HIVEP1: variants seen among roughly 807,000 people sequenced by gnomAD.
The protein encoded by HIVEP1 is zinc finger protein 40.
A neutral mutation model predicts 180.0 loss-of-function variants in HIVEP1; 36 were observed. The ratio of observed to expected loss-of-function variants is 0.20; its 90% CI spans 0.15 to 0.26. HIVEP1 has a LOEUF of 0.26. HIVEP1 is among the 10% of genes least tolerant of loss of function. The pLI is 1.00. For missense variants in HIVEP1, 3,143 were observed against 3,268.7 expected, an observed-to-expected ratio of 0.96 and a Z score of 0.94; for synonymous variants, 1,239 against 1,239.0, an observed-to-expected ratio of 1.00 and a Z score of 0.00.
chr6:12,164,482 C>CTT lies in HIVEP1; in HGVS notation c.*29_*30dup. On this transcript the variant is annotated 3_prime_UTR_variant, in exon 9 of 9. Coordinates refer to ENST00000379388, the MANE Select transcript of HIVEP1 (RefSeq NM_002114.4). ...CCTGATGGATTTTATTTTTTATTTG[C>CTT]TTTTTTTTTATATAACACTTAAAGG... 6.5e-7 allele frequency: 1 copy of CTT among 1,533,556 alleles called. No individual in the cohort carries two copies. The highest frequency in any genetic ancestry group is 2.1e-5 in the Admixed American group (1 of 47,428). 95.0% of individuals were successfully genotyped at this position (1,533,556 alleles called of 1,614,324 possible). A position where few individuals can be genotyped will look rare whatever the true frequency, so the allele number is the denominator to read the frequency against.
intron 2 of HIVEP1, among the ~76,000 whole-genome samples, chr6:12,079,774 C>G (rs1365690083): frequency 6.6e-6 from 1 of 152,098 alleles, no homozygotes; most frequent in Non-Finnish European, 1.5e-5. Flanking sequence ...AAATATGCAG[C>G]AATTATTTAA....
downstream of HIVEP1, among the ~76,000 whole-genome samples, chr6:12,169,696 T>C (rs887311226): frequency 1.4e-4 from 21 of 152,142 alleles, no homozygotes; most frequent in Non-Finnish European, 2.8e-4. Context: ...AGGTATGGGA[T>C]TTGGGACTTT....
At position 12,145,020 on chromosome 6, in the gene HIVEP1, G is replaced by T. The variant is rs181092152; in HGVS notation, c.6487+9128G>T. On this transcript the variant is annotated intron_variant, in intron 7 of 8. Coordinates refer to ENST00000379388, the MANE Select transcript of HIVEP1 (RefSeq NM_002114.4). Reference sequence around the variant, plus strand: ...TTTGATCCAGCCATCCCATTACTGGGTATATACCCAAAGGATTATAAATCA... The same window carrying T: ...TTTGATCCAGCCATCCCATTACTGGTTATATACCCAAAGGATTATAAATCA... Among the ~76,000 whole-genome samples the T allele has an allele frequency of 9.2e-5, 14 of 152,302 alleles. No homozygotes were observed. The East Asian group carries it at 2.3e-3, about 25-fold the overall frequency.
chr6:12,153,964 A>G (rs1759862443), intron 7 of HIVEP1, among the ~76,000 whole-genome samples: 1 of 152,222 alleles, frequency 6.6e-6, no homozygotes, highest in South Asian at 2.1e-4. Flanking sequence ...CCTGACCAAC[A>G]TGGTGAAACC....
At chr6:12,041,002 A>G (rs984714455) in intron 2 of HIVEP1, among the ~76,000 whole-genome samples, 1 of 152,230 alleles carries the variant, frequency 6.6e-6, no homozygotes, top group African/African-American at 2.4e-5. Context: ...AGCATTGGGC[A>G]TTACAATACA....
chr6:12,108,365 TGCCA>T, intron 3 of HIVEP1, among the ~76,000 whole-genome samples: 1 of 152,356 alleles, frequency 6.6e-6, no homozygotes, highest in South Asian at 2.1e-4. Flanking sequence ...TGGAGCTGCC[TGCCA>T]GTCCCGTGCA....
chr6:12,024,106 T>G (rs1768425454), intron 2 of HIVEP1, among the ~76,000 whole-genome samples: 1 of 152,226 alleles, frequency 6.6e-6, no homozygotes, highest in Admixed American at 6.5e-5. Flanking sequence ...TGTTATACTG[T>G]TAACCATTGT....
At chr6:12,057,850 A>C (rs886938782) in intron 2 of HIVEP1, among the ~76,000 whole-genome samples, 2 of 152,228 alleles carry the variant, frequency 1.3e-5, no homozygotes, top group African/African-American at 4.8e-5. Context: ...GTAATACAGT[A>C]ACTGTAAAAT....
the HIVEP1 span, among the ~76,000 whole-genome samples, chr6:12,170,173 C>T: frequency 2.0e-5 from 3 of 151,756 alleles, no homozygotes; most frequent in Admixed American, 1.3e-4. Flanking sequence ...TTAAATGATG[C>T]CTGTCCTTCA....
intron 2 of HIVEP1, among the ~76,000 whole-genome samples, chr6:12,076,207 C>T (rs1189359616): frequency 1.3e-5 from 2 of 152,070 alleles, no homozygotes; most frequent in African/African-American, 4.8e-5. Flanking sequence ...GATATTCTTT[C>T]AATATCAGAT....
chr6:12,190,703 G>A, the HIVEP1 span, among the ~76,000 whole-genome samples: 1 of 151,750 alleles, frequency 6.6e-6, no homozygotes, highest in South Asian at 2.1e-4. Context: ...TTATCTGTTG[G>A]CTCTTGTAGT....
chr6:12,030,434 AG>A (rs1189579115), intron 2 of HIVEP1, among the ~76,000 whole-genome samples: 1 of 152,008 alleles, frequency 6.6e-6, no homozygotes, highest in African/African-American at 2.4e-5. Flanking sequence ...GTTGTTCCAC[AG>A]GTCTCTGAGG....
In HIVEP1 at chr6:12,041,075, C is replaced by T. The variant is rs1353257796; in HGVS notation, c.40+25407C>T. Among the ~76,000 whole-genome samples, 6 of 152,142 alleles carry T rather than the reference C, an allele frequency of 3.9e-5. No individual in the cohort carries two copies. In the South Asian group the frequency reaches 1.0e-3, roughly 26 times the overall value. The stretch of plus-strand genomic sequence containing the variant: ...AGTCGGTCTGTTTGTCTCTTTTTCT[C>T]CTCTGAGCTGTTGACAGTTTGCTCT... On this transcript the variant is annotated intron_variant, in intron 2 of 8. Coordinates refer to ENST00000379388, the MANE Select transcript of HIVEP1 (RefSeq NM_002114.4).
the HIVEP1 span, among the ~76,000 whole-genome samples, chr6:12,192,099 G>A: frequency 3.3e-5 from 5 of 152,006 alleles, no homozygotes; most frequent in Admixed American, 3.3e-4. Flanking sequence ...ATTAATTTTA[G>A]GATTTAAATC....
chr6:12,046,346 T>A (rs1228447379), intron 2 of HIVEP1, among the ~76,000 whole-genome samples: 1 of 152,186 alleles, frequency 6.6e-6, no homozygotes, highest in African/African-American at 2.4e-5. Flanking sequence ...CATTACCACA[T>A]TTAACCCTGC....
intron 2 of HIVEP1, among the ~76,000 whole-genome samples, chr6:12,048,132 C>T (rs1250201124): frequency 2.6e-5 from 4 of 152,214 alleles, no homozygotes; most frequent in African/African-American, 9.7e-5. Flanking sequence ...AAGCGGGCAT[C>T]TCCATTTCAG....
chr6:12,061,227 C>T lies in HIVEP1; in HGVS notation c.41-27957C>T, dbSNP rs1413859712. Among the ~76,000 whole-genome samples the T allele has an allele frequency of 2.6e-5, 4 of 152,118 alleles. No homozygotes were observed. The East Asian group carries it at 5.8e-4, about 22-fold the overall frequency. On this transcript the variant is annotated intron_variant, in intron 2 of 8. Coordinates refer to ENST00000379388, the MANE Select transcript of HIVEP1 (RefSeq NM_002114.4). ...TTGTGTGTGTTCCCACCCTTTGATG[C>T]GATTTCCTACACTTGATGTGATTTG...
intron 2 of HIVEP1, among the ~76,000 whole-genome samples, chr6:12,058,982 C>G (rs1771057324): frequency 6.6e-6 from 1 of 151,214 alleles, no homozygotes; most frequent in Non-Finnish European, 1.5e-5. Context: ...GAGTGTCACT[C>G]TGTTTGTTGC....
chr6:12,153,012 G>C (rs1581793330), intron 7 of HIVEP1, among the ~76,000 whole-genome samples: 1 of 152,148 alleles, frequency 6.6e-6, no homozygotes, highest in Non-Finnish European at 1.5e-5. Context: ...AAATCAGCAT[G>C]CTTCTTGAAA....
Sources: allele counts gnomAD v4.1 joint callset (sites outside exome capture counted in the v4.1 genomes callset), GRCh38; gene constraint gnomAD v4.1.1; transcripts MANE v1.5; gene names NCBI Gene and HGNC (gene_info 2026-07-23, HGNC 2026-07-21).